The following DMRT3 variants were observed in gnomAD, a reference collection of about 807,000 sequenced individuals.
DMRT3 encodes the protein doublesex- and mab-3-related transcription factor 3.
DMRT3 carries 29 observed loss-of-function variants against 34.9 expected under a neutral mutation model. That is an observed-to-expected ratio of 0.83 (90% CI 0.62 to 1.13). DMRT3 has a LOEUF of 1.13. Ranked by LOEUF, DMRT3 falls within the 50% of genes most tolerant of loss-of-function variation. The pLI, the probability that DMRT3 is intolerant of heterozygous loss-of-function variation, is 0.00. For synonymous variants in DMRT3, 350 were observed against 286.0 expected (o/e 1.22, Z -2.26); for missense variants, 772 against 629.1 (o/e 1.23, Z -2.43).
intron 1 of DMRT3, among the ~76,000 whole-genome samples, chr9:985,568 TA>T (rs1820273235): frequency 1.3e-5 from 2 of 152,236 alleles, no homozygotes; most frequent in Non-Finnish European, 2.9e-5. Context: ...TCACCCTCTA[TA>T]ATTACCTGTG....
At chr9:982,252 G>T (rs1820230200) in intron 1 of DMRT3, among the ~76,000 whole-genome samples, 1 of 152,180 alleles carries the variant, frequency 6.6e-6, no homozygotes, top group African/African-American at 2.4e-5. Context: ...AGCTGCCTGG[G>T]ACTGGCGTCA....
chr9:978,454 G>C (rs1820179035), intron 1 of DMRT3, among the ~76,000 whole-genome samples: 1 of 152,186 alleles, frequency 6.6e-6, no homozygotes. Context: ...ACCTTCTCCC[G>C]GAAGGGGGCA....
intron 1 of DMRT3, among the ~76,000 whole-genome samples, chr9:977,758 G>C (rs1820170681): frequency 6.6e-6 from 1 of 152,234 alleles, no homozygotes; most frequent in Admixed American, 6.5e-5. Flanking sequence ...GTCAGATTGA[G>C]CAGGGAGACA....
Position 976,918 on chromosome 9 carries a change from T to G in DMRT3, c.-84T>G. The G allele has an allele frequency of 7.4e-7, 1 of 1,349,598 alleles. No individual in the cohort carries two copies. The allele number at this position is 1,349,598 out of a possible 1,614,324, so 83.6% of individuals were successfully genotyped here. ...GGCCGCGTCGCCCGGAGGCCGCCCC[T>G]GAGCGGGCCTCGCAGCCCCGCCGTC... On this transcript the variant is annotated 5_prime_UTR_variant, in exon 1 of 2. Coordinates refer to ENST00000190165, the MANE Select transcript of DMRT3 (RefSeq NM_021240.4). This position sits in a 1 kb window ranked among gnomAD's most constrained non-coding sequence, Gnocchi z 4.5.
At chr9:988,680 G>A (rs960007567) in intron 1 of DMRT3, among the ~76,000 whole-genome samples, 19 of 152,106 alleles carry the variant, frequency 1.2e-4, no homozygotes, top group Non-Finnish European at 2.8e-4. Context: ...TTCACCGGCT[G>A]GCTATCTGTA....
chr9:978,724 G>A (rs1820181505), intron 1 of DMRT3, among the ~76,000 whole-genome samples: 1 of 152,172 alleles, frequency 6.6e-6, no homozygotes, highest in African/African-American at 2.4e-5. Flanking sequence ...TTCCAGGCCT[G>A]AAGCTCTGAG....
At chr9:987,662 TG>T (rs1820302476) in intron 1 of DMRT3, among the ~76,000 whole-genome samples, 1 of 152,168 alleles carries the variant, frequency 6.6e-6, no homozygotes, top group South Asian at 2.1e-4. Context: ...AAGCTAGGTG[TG>T]GGTCTTACAC....
intron 1 of DMRT3, among the ~76,000 whole-genome samples, chr9:980,811 C>T (rs1820207459): frequency 1.3e-5 from 2 of 152,110 alleles, no homozygotes; most frequent in African/African-American, 4.8e-5. Flanking sequence ...TTAAGGGTCA[C>T]TGCCAAGGTG....
At chr9:980,532 C>CTA (rs1022545136) in intron 1 of DMRT3, among the ~76,000 whole-genome samples, 8 of 41,278 alleles carry the variant, frequency 1.9e-4, no homozygotes, top group East Asian at 5.7e-4. Flanking sequence ...ATATATTAAG[C>CTA]TATATATATC....
At chr9:984,305 G>A (rs1296643569) in intron 1 of DMRT3, among the ~76,000 whole-genome samples, 1 of 152,216 alleles carries the variant, frequency 6.6e-6, no homozygotes, top group Non-Finnish European at 1.5e-5. Flanking sequence ...CAAAAGGGAT[G>A]GGGGAGTCCA....
chr9:982,415 T>G (rs542553044), intron 1 of DMRT3, among the ~76,000 whole-genome samples: 1 of 152,240 alleles, frequency 6.6e-6, no homozygotes, highest in Admixed American at 6.5e-5. Flanking sequence ...ATCTGGAGGA[T>G]AGCCGTGCTC....
chr9:990,664 C>A lies in DMRT3; in HGVS notation c.1078C>A (p.Pro360Thr). The change falls in exon 2 of 2, where the codon CCC becomes ACC. Residue 360 changes from proline to threonine, a missense_variant. Physicochemically the swap from Pro to Thr is conservative, Grantham distance 38 (BLOSUM62 -1). Coordinates refer to ENST00000190165, the MANE Select transcript of DMRT3 (RefSeq NM_021240.4). Reference sequence around the variant, plus strand: ...CAGTCCCTTGGCTGGGCCTCTGCAGCCCCCTTTCCCCCAGCCACCCCGGTA... The same window carrying A: ...CAGTCCCTTGGCTGGGCCTCTGCAGACCCCTTTCCCCCAGCCACCCCGGTA... ...VPSPLAGPLQ[P>T]PFPQPPRYPL... is the part of the protein sequence containing the mutation. 3 of 1,614,002 alleles carry A rather than the reference C, an allele frequency of 1.9e-6. No individual in the cohort carries two copies. Among genetic ancestry groups the A allele is most frequent in the Non-Finnish European group, 2.5e-6 (3 of 1,179,930 alleles).
chr9:991,159 A>T lies in DMRT3; in HGVS notation c.*154A>T, dbSNP rs1820359852. 1 of 1,059,594 alleles carries T rather than the reference A, an allele frequency of 9.4e-7. No individual in the cohort carries two copies. Among genetic ancestry groups the T allele is most frequent in the South Asian group, 1.6e-5 (1 of 60,780 alleles). The allele number at this position is 1,059,594 out of a possible 1,614,324, so 65.6% of individuals were successfully genotyped here. A position where few individuals can be genotyped will look rare whatever the true frequency, so the allele number is the denominator to read the frequency against. On this transcript the variant is annotated 3_prime_UTR_variant, in exon 2 of 2. Transcript: ENST00000190165. ...TACATTAGCAATAAAAACATAACTT[A>T]TTTAACTTCTTGCACTTCACTGGAA...
chr9:988,084 A>G (rs1820307377), intron 1 of DMRT3, among the ~76,000 whole-genome samples: 1 of 152,192 alleles, frequency 6.6e-6, no homozygotes, highest in Non-Finnish European at 1.5e-5. Flanking sequence ...AAGAGGTAAA[A>G]GCTGTGTCCC....
At chr9:979,720 G>A (rs1309685805) in intron 1 of DMRT3, among the ~76,000 whole-genome samples, 1 of 152,184 alleles carries the variant, frequency 6.6e-6, no homozygotes, top group Non-Finnish European at 1.5e-5. Flanking sequence ...CACAGTGCTT[G>A]TAGAAATAAA....
At chr9:985,695 C>G (rs1354125355) in intron 1 of DMRT3, among the ~76,000 whole-genome samples, 1 of 152,224 alleles carries the variant, frequency 6.6e-6, no homozygotes. Flanking sequence ...TCCTGCCCTT[C>G]AGAAATTATT....
intron 1 of DMRT3, among the ~76,000 whole-genome samples, chr9:982,718 C>A (rs1454945460): frequency 6.6e-6 from 1 of 152,226 alleles, no homozygotes; most frequent in Non-Finnish European, 1.5e-5. Flanking sequence ...ACTCGGAGCC[C>A]TTTTCTGGAA....
At chr9:984,959 C>G (rs149426253) in intron 1 of DMRT3, among the ~76,000 whole-genome samples, 1 of 151,582 alleles carries the variant, frequency 6.6e-6, no homozygotes, top group Non-Finnish European at 1.5e-5. Flanking sequence ...TCTTTAAAGT[C>G]TTGTAGCAAA....
At chr9:979,788 G>C (rs1485950351) in intron 1 of DMRT3, among the ~76,000 whole-genome samples, 1 of 152,110 alleles carries the variant, frequency 6.6e-6, no homozygotes, top group Non-Finnish European at 1.5e-5. Flanking sequence ...GTTGCTATAG[G>C]TATTATACCC....
Sources: gnomAD v4.1 joint callset for allele counts (sites outside exome capture counted in the v4.1 genomes callset) on GRCh38, gnomAD v4.1.1 for gene constraint, Gnocchi (gnomAD v3.1) non-coding constraint, MANE v1.5 for transcripts, NCBI Gene and HGNC (gene_info 2026-07-23, HGNC 2026-07-21) for gene names.